The following DIABLO variants were observed in gnomAD, a reference collection of about 807,000 sequenced individuals.
DIABLO encodes diablo homolog, mitochondrial.
DIABLO carries 32 observed loss-of-function variants against 31.7 expected under a neutral mutation model. The observed-to-expected ratio is 1.01, with a 90% CI of 0.76 to 1.35. The LOEUF is 1.35. Among genes scored for constraint, DIABLO ranks in the 40% most tolerant of loss-of-function variants. The pLI, the probability that DIABLO is intolerant of heterozygous loss-of-function variation, is 0.00. For synonymous variants in DIABLO, 132 were observed against 103.2 expected (o/e 1.28, Z -1.69); for missense variants, 316 against 286.4 (o/e 1.10, Z -0.75).
intron 5 of DIABLO, among the ~76,000 whole-genome samples, chr12:122,209,111 G>GA (rs1485254810): frequency 5.3e-5 from 8 of 152,306 alleles, no homozygotes; most frequent in African/African-American, 1.9e-4. Flanking sequence ...TCTAATCTCA[G>GA]AACTTTGGGA....
chr12:122,210,374 T>C (rs1954055637), intron 5 of DIABLO, among the ~76,000 whole-genome samples: 1 of 139,266 alleles, frequency 7.2e-6, no homozygotes, highest in Non-Finnish European at 1.6e-5. Flanking sequence ...TTTCTACCTT[T>C]TTTTTTTTTT....
chr12:122,222,593 T>TAAAAAAAA (rs1566028336), intron 2 of DIABLO: 1 of 89,752 alleles, frequency 1.1e-5, no homozygotes, highest in African/African-American at 3.2e-5. Flanking sequence ...AAAAAAAAAT[T>TAAAAAAAA]TTTGGAATCT....
intron 2 of DIABLO, 135 bp from the exon 3 acceptor site, chr12:122,218,532 A>G (rs1375822248): frequency 1.7e-6 from 2 of 1,184,102 alleles, no homozygotes; most frequent in South Asian, 1.3e-5. Flanking sequence ...TCTTTGGGTT[A>G]TATTTTTTAA....
At position 122,224,544 on chromosome 12, in the gene DIABLO, C is replaced by A; in HGVS notation, c.151G>T (p.Gly51Ter). Residue 51 changes from glycine (G) to a stop codon, truncating the protein, a stop_gained, in exon 2 of 6, where the codon GGA becomes TGA. Transcript: ENST00000464942. LOFTEE classifies it high-confidence loss of function. Reference protein sequence around the residue: ...PWHKTVTIGFGVTLCAVPIAQ... With the variant: ...PWHKTVTIGF ...ATAGGAACCGCACACAGGGTTACTC[C>A]AAAGCCAATCGTCACAGTTTTGTGC... 1 of 1,613,832 alleles carries A rather than the reference C, an allele frequency of 6.2e-7. No individual in the cohort carries two copies. Among genetic ancestry groups the A allele is most frequent in the Non-Finnish European group, 8.5e-7 (1 of 1,179,978 alleles).
chr12:122,219,822 G>A (rs1337542305), intron 2 of DIABLO, among the ~76,000 whole-genome samples: 2 of 150,216 alleles, frequency 1.3e-5, no homozygotes, highest in Non-Finnish European at 3.0e-5. Context: ...CCAAGATCGT[G>A]CCACTTCACT....
At chr12:122,219,126 G>A (rs1166375025) in intron 2 of DIABLO, among the ~76,000 whole-genome samples, 21 of 151,830 alleles carry the variant, frequency 1.4e-4, no homozygotes, top group Non-Finnish European at 2.5e-4. Flanking sequence ...CCAGCTACTT[G>A]GGAGGCTGAG....
chr12:122,219,264 A>G (rs375329959), intron 2 of DIABLO, among the ~76,000 whole-genome samples: 2 of 152,208 alleles, frequency 1.3e-5, no homozygotes, highest in South Asian at 2.1e-4. Context: ...AAAACCCCCA[A>G]AACTATTGAT....
chr12:122,212,749 C>T (rs1275677844), intron 5 of DIABLO, among the ~76,000 whole-genome samples: 4 of 151,770 alleles, frequency 2.6e-5, no homozygotes, highest in African/African-American at 4.8e-5. Flanking sequence ...CTCAGCCTCC[C>T]GAGTAGCTGG....
At chr12:122,217,040 T>C (rs1490431094) in intron 3 of DIABLO, 171 bp from the exon 4 acceptor site, 9 of 607,332 alleles carry the variant, frequency 1.5e-5, no homozygotes, top group Non-Finnish European at 2.7e-5. Context: ...ATCAGGACAT[T>C]AGTATCTCCA....
intron 5 of DIABLO, among the ~76,000 whole-genome samples, chr12:122,210,435 C>T (rs867748271): frequency 4.1e-5 from 6 of 146,698 alleles, no homozygotes; most frequent in East Asian, 2.0e-4. Context: ...TGCAGTGGCG[C>T]GATCTCGGCT....
chr12:122,218,647 T>G (rs578124869), intron 2 of DIABLO: 4 of 477,546 alleles, frequency 8.4e-6, no homozygotes, highest in Non-Finnish European at 1.5e-5. Context: ...TCTTTACATA[T>G]AAAATAAATT....
rs922360358 is a variant in DIABLO, at chr12:122,207,908, C to T, written c.*473G>A. 11 of 460,722 alleles carry T rather than the reference C, an allele frequency of 2.4e-5. No homozygotes were observed. The highest frequency in any genetic ancestry group is 2.0e-4 in the African/African-American group (10 of 50,424). 28.5% of individuals were successfully genotyped at this position (460,722 alleles called of 1,614,324 possible). A position where few individuals can be genotyped will look rare whatever the true frequency, so the allele number is the denominator to read the frequency against. The stretch of plus-strand genomic sequence containing the variant: ...GACAGTGGGGGCAGATCAGAGAACA[C>T]ATCAGAAATACATACAAAGAAATCG... On this transcript the variant is annotated 3_prime_UTR_variant, in exon 6 of 6. Coordinates refer to ENST00000464942, the MANE Select transcript of DIABLO (RefSeq NM_001371333.1).
chr12:122,223,312 G>A (rs183775676), intron 2 of DIABLO, among the ~76,000 whole-genome samples: 12 of 151,652 alleles, frequency 7.9e-5, no homozygotes, highest in African/African-American at 2.7e-4. Context: ...GCACACCCCT[G>A]TAATCCCAGC....
intron 1 of DIABLO, chr12:122,225,688 G>A: frequency 1.4e-6 from 2 of 1,395,810 alleles, no homozygotes; most frequent in Non-Finnish European, 1.9e-6. Flanking sequence ...TGGCTGACGA[G>A]GGCTGGTCAG....
chr12:122,209,846 G>A (rs761049707), intron 5 of DIABLO: 10 of 701,684 alleles, frequency 1.4e-5, no homozygotes, highest in African/African-American at 1.2e-4. Context: ...TTCTAACTTC[G>A]ATGAAAACAC....
At chr12:122,209,485 GA>G (rs1307917532) in intron 5 of DIABLO, among the ~76,000 whole-genome samples, 1 of 152,172 alleles carries the variant, frequency 6.6e-6, no homozygotes, top group Non-Finnish European at 1.5e-5. Context: ...GTAACACGGT[GA>G]AACCCCGTTT....
In DIABLO at chr12:122,216,483, C is replaced by T; in HGVS notation, c.523+5G>A. The stretch of plus-strand genomic sequence containing the variant: ...AAAAAAACCCAACACAAAACTTGAA[C>T]CTACCAGTTTGATATGCAGCTTCTG... On this transcript the variant is annotated splice_donor_5th_base_variant and intron_variant, in intron 5 of 5. Transcript: ENST00000464942. 1 of 1,611,648 alleles carries T rather than the reference C, an allele frequency of 6.2e-7. No individual in the cohort carries two copies. Among genetic ancestry groups the T allele is most frequent in the Non-Finnish European group, 8.5e-7 (1 of 1,178,170 alleles).
At position 122,226,000 on chromosome 12, in the gene DIABLO, C is replaced by A; in HGVS notation, c.15G>T (p.Lys5Asn). 1.2e-6 allele frequency: 2 copies of A among 1,603,538 alleles called. No individual in the cohort carries two copies. The highest frequency in any genetic ancestry group is 1.7e-6 in the Non-Finnish European group (2 of 1,175,958). The change falls in exon 1 of 6, where the codon AAG becomes AAT. Residue 5 changes from lysine to asparagine, a missense_variant. By Grantham distance (94) the Lys-to-Asn change is moderately conservative. Coordinates refer to ENST00000464942, the MANE Select transcript of DIABLO (RefSeq NM_001371333.1). Reference sequence around the variant, plus strand: ...AAGTTACGCTGCGCGACAGCCAACTCTTCAGAGCCGCCATTGTGCAGCGCG... The same window carrying A: ...AAGTTACGCTGCGCGACAGCCAACTATTCAGAGCCGCCATTGTGCAGCGCG... Reference protein sequence around the residue: MAALKSWLSRSVTSF... With the variant: MAALNSWLSRSVTSF...
In DIABLO at chr12:122,213,614, C is replaced by T. The variant is rs1421726810; in HGVS notation, c.523+2874G>A. Among the ~76,000 whole-genome samples, 4 of 152,000 alleles carry T rather than the reference C, an allele frequency of 2.6e-5. No individual in the cohort carries two copies. In the South Asian group the frequency reaches 8.3e-4, roughly 32 times the overall value. On this transcript the variant is annotated intron_variant, in intron 5 of 5. Transcript: ENST00000464942. ...TGCTTATACATCCCCTCCTTTTCTC[C>T]TTCTAGATATTCTCCTTTTCTCCTT... is the stretch of plus-strand genomic sequence containing the variant.
Sources: allele counts gnomAD v4.1 joint callset (sites outside exome capture counted in the v4.1 genomes callset), GRCh38; gene constraint gnomAD v4.1.1; transcripts MANE v1.5; gene names NCBI Gene and HGNC (gene_info 2026-07-23, HGNC 2026-07-21).